The following DNM3 variants were observed in gnomAD, a reference collection of about 807,000 sequenced individuals.
DNM3 encodes the protein dynamin-3.
DNM3 carries 47 observed loss-of-function variants against 101.6 expected under a neutral mutation model. The observed-to-expected ratio is 0.46, with a 90% confidence interval of 0.37 to 0.59. DNM3 has a LOEUF of 0.59. DNM3 is among the 20% of genes least tolerant of loss of function. The probability of loss-of-function intolerance (pLI) is 0.00; values close to 1 mark genes in which losing one functional copy is unlikely to be tolerated. For synonymous variants in DNM3, 385 were observed against 387.9 expected (o/e 0.99, Z 0.09); for missense variants, 849 against 1,085.7 (o/e 0.78, Z 3.06).
Position 172,356,590 on chromosome 1 carries a change from A to G in DNM3, c.1894-22428A>G, listed in dbSNP as rs539772194. On this transcript the variant is annotated intron_variant, in intron 17 of 20. Transcript: ENST00000627582. ...TGTTGATCTTGCACATTCTATTATGATTCCAGGTCATTACCTAAGCAAGGA... is the reference window on the plus strand; with the variant it reads ...TGTTGATCTTGCACATTCTATTATGGTTCCAGGTCATTACCTAAGCAAGGA... Among the ~76,000 whole-genome samples the G allele has an allele frequency of 9.2e-5, 14 of 152,164 alleles. No individual in the cohort carries two copies. In the South Asian group the frequency reaches 2.9e-3, roughly 32 times the overall value.
chr1:171,939,428 G>A (rs981868800), intron 2 of DNM3, among the ~76,000 whole-genome samples: 1 of 152,078 alleles, frequency 6.6e-6, no homozygotes, highest in Non-Finnish European at 1.5e-5. Flanking sequence ...GTCTATTTTT[G>A]GAGGAGATAT....
At chr1:172,182,201 T>C (rs2059375050) in intron 14 of DNM3, among the ~76,000 whole-genome samples, 2 of 151,616 alleles carry the variant, frequency 1.3e-5, no homozygotes, top group Non-Finnish European at 2.9e-5. Flanking sequence ...TTTTTAACAG[T>C]CTGTCCAAGA....
chr1:172,120,080 T>C (rs1338013847), intron 13 of DNM3, among the ~76,000 whole-genome samples: 1 of 152,186 alleles, frequency 6.6e-6, no homozygotes, highest in Non-Finnish European at 1.5e-5. Flanking sequence ...ACTTTTCATG[T>C]GCAAATATGT....
chr1:172,189,393 C>T (rs901398015), intron 14 of DNM3, among the ~76,000 whole-genome samples: 5 of 151,942 alleles, frequency 3.3e-5, no homozygotes, highest in Non-Finnish European at 7.4e-5. Flanking sequence ...TACAAGATAA[C>T]TTGCTATTAT....
chr1:172,363,732 C>T (rs751414950), intron 17 of DNM3, among the ~76,000 whole-genome samples: 22 of 151,852 alleles, frequency 1.4e-4, no homozygotes, highest in Admixed American at 2.6e-4. Context: ...ATCTCCTTAG[C>T]CTAACCCAAG....
intron 17 of DNM3, among the ~76,000 whole-genome samples, chr1:172,357,052 A>G (rs2067488705): frequency 6.6e-6 from 1 of 152,240 alleles, no homozygotes; most frequent in East Asian, 1.9e-4. Flanking sequence ...ATAAGAATCC[A>G]TACTTACATA....
chr1:172,048,529 G>A (rs1450235103), intron 9 of DNM3, 83 bp from the exon 10 acceptor site: 5 of 1,441,976 alleles, frequency 3.5e-6, no homozygotes, highest in Non-Finnish European at 4.6e-6. Context: ...TAAATGGAAT[G>A]TTAATTTAAA....
At chr1:171,945,003 A>G (rs899373353) in intron 2 of DNM3, among the ~76,000 whole-genome samples, 3 of 151,148 alleles carry the variant, frequency 2.0e-5, no homozygotes, top group Non-Finnish European at 2.9e-5. Flanking sequence ...AGCTGGAACC[A>G]TGGGAACACA....
At chr1:172,236,264 A>G (rs1188525932) in intron 14 of DNM3, among the ~76,000 whole-genome samples, 3 of 152,110 alleles carry the variant, frequency 2.0e-5, no homozygotes, top group South Asian at 2.1e-4. Context: ...GTTCTTTTAA[A>G]TAAGACGTGC....
chr1:172,031,243 C>T (rs2048585173), intron 4 of DNM3, among the ~76,000 whole-genome samples: 1 of 152,122 alleles, frequency 6.6e-6, no homozygotes, highest in South Asian at 2.1e-4. Context: ...GAGTTCGTGT[C>T]CTTTGCAGGG....
At chr1:172,233,186 T>TA (rs2061404908) in intron 14 of DNM3, among the ~76,000 whole-genome samples, 6 of 151,858 alleles carry the variant, frequency 4.0e-5, no homozygotes, top group Admixed American at 3.9e-4. Context: ...ATAGATGCAA[T>TA]AAAAAATGAT....
At chr1:172,208,336 A>G (rs556350699) in intron 14 of DNM3, among the ~76,000 whole-genome samples, 1 of 152,252 alleles carries the variant, frequency 6.6e-6, no homozygotes, top group East Asian at 1.9e-4. Flanking sequence ...CAACTTGGCT[A>G]GGCCACTATA....
chr1:172,046,307 A>C (rs2049794913), intron 9 of DNM3, among the ~76,000 whole-genome samples: 1 of 152,210 alleles, frequency 6.6e-6, no homozygotes, highest in Non-Finnish European at 1.5e-5. Flanking sequence ...TCTCAAGGAC[A>C]AAAAACCAAA....
intron 14 of DNM3, among the ~76,000 whole-genome samples, chr1:172,158,732 C>A (rs1430754230): frequency 6.6e-6 from 1 of 151,776 alleles, no homozygotes; most frequent in Non-Finnish European, 1.5e-5. Flanking sequence ...TTTTCAGAGA[C>A]AAGTAAAGAA....
At chr1:172,055,307 T>C (rs1482721045) in intron 10 of DNM3, among the ~76,000 whole-genome samples, 5 of 152,144 alleles carry the variant, frequency 3.3e-5, no homozygotes, top group African/African-American at 9.7e-5. Flanking sequence ...CCCCAAGATA[T>C]CTGCATGGAT....
chr1:172,055,526 G>T (rs890517915), intron 10 of DNM3, among the ~76,000 whole-genome samples: 22 of 151,706 alleles, frequency 1.5e-4, no homozygotes, highest in Admixed American at 2.0e-4. Flanking sequence ...ATTTATGTCT[G>T]CTGTTGCTGT....
chr1:172,087,150 C>A (rs183995674), intron 12 of DNM3, among the ~76,000 whole-genome samples: 2 of 152,112 alleles, frequency 1.3e-5, no homozygotes, highest in Non-Finnish European at 2.9e-5. Flanking sequence ...TTGACACCAC[C>A]GTTAATCACT....
chr1:172,096,155 A>G (rs2147844824), intron 13 of DNM3, among the ~76,000 whole-genome samples: 1 of 152,332 alleles, frequency 6.6e-6, no homozygotes, highest in South Asian at 2.1e-4. Flanking sequence ...TGGTCACCAG[A>G]TTTAAAGTCA....
rs1342958443 is a variant in DNM3, at chr1:172,038,378, G to C, written c.909G>C (p.Gln303His). ...ACTTCAGGAACAAACTACAGGGACAGTTGCTCTCCATAGAACATGAAGTAG... is the reference window on the plus strand; with the variant it reads ...ACTTCAGGAACAAACTACAGGGACACTTGCTCTCCATAGAACATGAAGTAG... ...LPNFRNKLQG[Q>H]LLSIEHEVEA... Residue 303 changes from glutamine to histidine, a missense_variant, in exon 7 of 21, where the codon CAG becomes CAC. Gln to His is a conservative substitution (Grantham distance 24, BLOSUM62 0). Around this residue, in one of 5 missense-constraint regions of DNM3, gnomAD observed 388 missense variants for 483.0 expected, o/e 0.80. Coordinates refer to ENST00000627582, the MANE Select transcript of DNM3 (RefSeq NM_015569.5). The C allele has an allele frequency of 6.2e-7, 1 of 1,613,368 alleles. No individual in the cohort carries two copies. The highest frequency in any genetic ancestry group is 1.1e-5 in the South Asian group (1 of 91,082).
Sources: allele counts gnomAD v4.1 joint callset (sites outside exome capture counted in the v4.1 genomes callset), GRCh38; gene constraint gnomAD v4.1.1; regional missense constraint gnomAD v4.1.1; transcripts MANE v1.5; gene names NCBI Gene and HGNC (gene_info 2026-07-23, HGNC 2026-07-21).